ATP2C2: variants seen among roughly 807,000 people sequenced by gnomAD.
ATP2C2 encodes ATPase secretory pathway Ca2+ transporting 2, also known as calcium-transporting ATPase type 2C member 2.
In ATP2C2, 171 loss-of-function variants were observed where a neutral mutation model predicts 110.8. That is an observed-to-expected ratio of 1.54 (90% CI 1.36 to 1.75). ATP2C2 has a LOEUF of 1.75. Ranked by LOEUF, ATP2C2 falls within the 40% of genes most tolerant of loss-of-function variation. The probability of loss-of-function intolerance (pLI) is 0.00; values close to 1 mark genes in which losing one functional copy is unlikely to be tolerated. For missense variants in ATP2C2, 1,963 were observed against 1,235.0 expected (o/e 1.59, Z -8.84); for synonymous variants, 804 against 508.4 (o/e 1.58, Z -7.82).
intron 11 of ATP2C2, among the ~76,000 whole-genome samples, chr16:84,438,180 A>G (rs1208007065): frequency 1.3e-5 from 2 of 152,176 alleles, no homozygotes; most frequent in African/African-American, 4.8e-5. Context: ...TACATTTTTT[A>G]AAGGAAAATT....
chr16:84,428,795 G>GA (rs1234836197), intron 11 of ATP2C2, among the ~76,000 whole-genome samples: 1 of 152,074 alleles, frequency 6.6e-6, no homozygotes, highest in East Asian at 1.9e-4. Context: ...AGAAGAACAA[G>GA]AAAAAAAGCT....
intron 2 of ATP2C2, among the ~76,000 whole-genome samples, chr16:84,404,268 G>C (rs138866822): frequency 1.3e-5 from 2 of 152,334 alleles, no homozygotes; most frequent in African/African-American, 4.8e-5. Flanking sequence ...AGTCAGCAAA[G>C]CGGGTTACAT....
intron 1 of ATP2C2, among the ~76,000 whole-genome samples, chr16:84,396,018 C>T (rs1904950908): frequency 6.6e-6 from 1 of 152,154 alleles, no homozygotes; most frequent in Non-Finnish European, 1.5e-5. Context: ...CTTTCTGTCT[C>T]TGTGAGTTTG....
intron 11 of ATP2C2, among the ~76,000 whole-genome samples, chr16:84,438,845 T>A (rs993416697): frequency 6.6e-5 from 10 of 152,244 alleles, no homozygotes; most frequent in Non-Finnish European, 1.5e-4. Context: ...ACCCAAAGCC[T>A]TTTCTCTCTA....
At chr16:84,396,850 G>A (rs1905015761) in intron 1 of ATP2C2, among the ~76,000 whole-genome samples, 2 of 151,924 alleles carry the variant, frequency 1.3e-5, no homozygotes, top group Non-Finnish European at 2.9e-5. Flanking sequence ...CGTAATCGCT[G>A]CTGTGCTCCT....
intron 6 of ATP2C2, among the ~76,000 whole-genome samples, chr16:84,411,086 A>G (rs576340610): frequency 6.6e-6 from 1 of 152,200 alleles, no homozygotes; most frequent in South Asian, 2.1e-4. Context: ...AACTGTGTGC[A>G]TTTTTTCTAG....
At chr16:84,441,978 A>T (rs1202268101) in intron 14 of ATP2C2, among the ~76,000 whole-genome samples, 1 of 152,168 alleles carries the variant, frequency 6.6e-6, no homozygotes, top group African/African-American at 2.4e-5. Context: ...TAAAAAAGAA[A>T]AGAAAAGAAA....
chr16:84,445,821 G>A (rs551802348), intron 15 of ATP2C2, among the ~76,000 whole-genome samples: 2 of 152,316 alleles, frequency 1.3e-5, no homozygotes, highest in South Asian at 4.1e-4. Flanking sequence ...CCCCCTGTGG[G>A]ACAGTGGGAT....
intron 7 of ATP2C2, among the ~76,000 whole-genome samples, chr16:84,416,414 C>T (rs1002731941): frequency 1.3e-5 from 2 of 152,316 alleles, no homozygotes; most frequent in East Asian, 1.9e-4. Context: ...AGATTATCTG[C>T]CTGATTTATT....
At chr16:84,376,522 A>AT (rs1260618060) in intron 1 of ATP2C2, among the ~76,000 whole-genome samples, 2 of 143,118 alleles carry the variant, frequency 1.4e-5, no homozygotes, top group African/African-American at 5.0e-5. Flanking sequence ...ACATTATGAG[A>AT]TTTTTTTTGG....
intron 11 of ATP2C2, among the ~76,000 whole-genome samples, chr16:84,435,058 T>C (rs1288596615): frequency 6.6e-6 from 1 of 152,248 alleles, no homozygotes; most frequent in Non-Finnish European, 1.5e-5. Flanking sequence ...ATATAACTTG[T>C]CCATGCCTGT....
At chr16:84,381,960 T>C (rs1442225525) in intron 1 of ATP2C2, among the ~76,000 whole-genome samples, 1 of 152,238 alleles carries the variant, frequency 6.6e-6, no homozygotes, top group East Asian at 1.9e-4. Context: ...CCTGGACTCC[T>C]TGTCAGTGTT....
chr16:84,395,940 C>CT (rs1260350647), intron 1 of ATP2C2, among the ~76,000 whole-genome samples: 4 of 152,166 alleles, frequency 2.6e-5, no homozygotes, highest in Non-Finnish European at 2.9e-5. Flanking sequence ...CTCCAAAACT[C>CT]TCATCTTTCC....
rs1904978186 is a variant in ATP2C2 at position 84,396,384 on chromosome 16, A to G, written c.100-2115A>G. Among the ~76,000 whole-genome samples the G allele has an allele frequency of 2.6e-5, 4 of 151,810 alleles. No homozygotes were observed. The South Asian group carries it at 8.3e-4, about 32-fold the overall frequency. The stretch of plus-strand genomic sequence containing the variant: ...AACCTGGTGAAAACCCGTCTCTACT[A>G]AAAATACAAAAACAAATTAGTGAGG... On this transcript the variant is annotated intron_variant, in intron 1 of 26. Transcript: ENST00000262429.
At chr16:84,439,313 A>G (rs763161332) in intron 12 of ATP2C2, 23 bp downstream of exon 12, 1 of 1,613,418 alleles carries the variant, frequency 6.2e-7, no homozygotes, top group Non-Finnish European at 8.5e-7. Context: ...AGCTGGTGGA[A>G]TCCTTACACG....
intron 15 of ATP2C2, among the ~76,000 whole-genome samples, chr16:84,444,199 A>G (rs909229932): frequency 2.7e-5 from 4 of 149,108 alleles, no homozygotes; most frequent in Non-Finnish European, 5.9e-5. Context: ...AAGATTGGGC[A>G]CAGTGGCTCA....
intron 2 of ATP2C2, among the ~76,000 whole-genome samples, chr16:84,400,101 TC>T (rs756293517): frequency 6.6e-6 from 1 of 152,194 alleles, no homozygotes; most frequent in Non-Finnish European, 1.5e-5. Context: ...AGGATCTCAT[TC>T]TTTTTTATGG....
At chr16:84,455,725 C>G (rs570072987) in intron 21 of ATP2C2, among the ~76,000 whole-genome samples, 4 of 147,570 alleles carry the variant, frequency 2.7e-5, no homozygotes, top group African/African-American at 1.0e-4. Flanking sequence ...ACAGTTGATT[C>G]GCCATAGGAA....
Position 84,451,979 on chromosome 16 carries a change from C to T in ATP2C2, c.1719C>T (p.Gly573=), listed in dbSNP as rs943699070. Residue 573 remains glycine (G), a synonymous_variant, in exon 18 of 27, where the codon GGC becomes GGT. Transcript: ENST00000262429. ...GGCTGACGTTTCTCGGTCTTGTGGG[C>T]ATCATTGACCCCCCGAGAGTTGGCG... is the stretch of plus-strand genomic sequence containing the variant. ...LGRLTFLGLV[G]IIDPPRVGVK... 15 of 1,613,982 alleles carry T rather than the reference C, an allele frequency of 9.3e-6. No individual in the cohort carries two copies. The highest frequency in any genetic ancestry group is 1.2e-5 in the Non-Finnish European group (14 of 1,179,990).
Sources: allele counts gnomAD v4.1 joint callset (sites outside exome capture counted in the v4.1 genomes callset), GRCh38; gene constraint gnomAD v4.1.1; transcripts MANE v1.5; gene names NCBI Gene and HGNC (gene_info 2026-07-23, HGNC 2026-07-21).